The following GSE1 variants were observed in gnomAD, a reference collection of about 807,000 sequenced individuals.
GSE1 encodes Gse1 coiled-coil protein.
GSE1 carries 32 observed loss-of-function variants against 112.6 expected under a neutral mutation model. The observed-to-expected ratio is 0.28, with a 90% CI of 0.21 to 0.38. The LOEUF (loss-of-function observed/expected upper bound fraction) is 0.38, where lower values mean the gene tolerates loss of function less well. Ranked by LOEUF, GSE1 falls within the 10% of genes least tolerant of loss-of-function variation. The pLI, the probability that GSE1 is intolerant of heterozygous loss-of-function variation, is 1.00. For synonymous variants in GSE1, 1,115 were observed against 735.6 expected, an observed-to-expected ratio of 1.52 and a Z score of -8.35; for missense variants, 2,348 against 1,699.2, an observed-to-expected ratio of 1.38 and a Z score of -6.71.
intron 1 of GSE1, among the ~76,000 whole-genome samples, chr16:85,616,840 A>G (rs920099468): frequency 3.9e-5 from 6 of 152,116 alleles, no homozygotes; most frequent in African/African-American, 1.4e-4. Flanking sequence ...GCTGTCAATG[A>G]GAATTTATTG....
intron 1 of GSE1, among the ~76,000 whole-genome samples, chr16:85,560,689 C>T (rs2045477136): frequency 6.6e-6 from 1 of 152,102 alleles, no homozygotes. Flanking sequence ...CCTTCTCAAA[C>T]CTTCCTCTGT....
chr16:85,404,599 C>CT (rs1369443455), intron 2 of GSE1, among the ~76,000 whole-genome samples: 63 of 60,358 alleles, frequency 1.0e-3, no homozygotes, highest in East Asian at 4.3e-3. Flanking sequence ...TCAGGCCCCC[C>CT]GGATAATCCT....
intron 1 of GSE1, among the ~76,000 whole-genome samples, chr16:85,286,797 T>C (rs1249428429): frequency 1.3e-5 from 2 of 152,196 alleles, no homozygotes; most frequent in Non-Finnish European, 2.9e-5. Flanking sequence ...GACGAGTTCG[T>C]ATGATCAGCG....
chr16:85,417,005 C>A (rs2048718154), intron 2 of GSE1, among the ~76,000 whole-genome samples: 1 of 152,206 alleles, frequency 6.6e-6, no homozygotes, highest in African/African-American at 2.4e-5. Context: ...CAGGCACAAG[C>A]CACCATGCCC....
At chr16:85,356,712 G>A (rs1196244338) in intron 1 of GSE1, among the ~76,000 whole-genome samples, 1 of 152,134 alleles carries the variant, frequency 6.6e-6, no homozygotes, top group East Asian at 1.9e-4. Context: ...GGCTGGTCTG[G>A]AACTCTTAGG....
intron 1 of GSE1, among the ~76,000 whole-genome samples, chr16:85,247,858 C>G (rs1906029986): frequency 6.6e-6 from 1 of 152,236 alleles, no homozygotes; most frequent in Admixed American, 6.5e-5. Flanking sequence ...AACAGTGGCA[C>G]AGGCCCTGCA....
chr16:85,312,715 A>G (rs375427917), intron 1 of GSE1, among the ~76,000 whole-genome samples: 2 of 151,122 alleles, frequency 1.3e-5, no homozygotes, highest in African/African-American at 4.9e-5. Flanking sequence ...AGGAGGAGAA[A>G]GAGAAGGAGG....
chr16:85,263,222 T>A (rs1907896784), intron 1 of GSE1, among the ~76,000 whole-genome samples: 1 of 152,116 alleles, frequency 6.6e-6, no homozygotes. Context: ...ATCATGATGT[T>A]AGCATCATGC....
At chr16:85,333,564 T>G (rs1402332534) in intron 1 of GSE1, among the ~76,000 whole-genome samples, 1 of 152,244 alleles carries the variant, frequency 6.6e-6, no homozygotes, top group African/African-American at 2.4e-5. Flanking sequence ...AGAAGCTGGC[T>G]CCGCCTCTTT....
exon 1 of GSE1, chr16:85,170,143 G>A (rs2074335299): frequency 1.0e-6 from 1 of 985,128 alleles, no homozygotes; most frequent in African/African-American, 1.7e-5. Context: ...AGGGCCTCGC[G>A]GGGGGCGCGG....
chr16:85,498,333 A>C (rs1452783875), intron 2 of GSE1, among the ~76,000 whole-genome samples: 3 of 152,120 alleles, frequency 2.0e-5, no homozygotes, highest in Admixed American at 6.5e-5. Context: ...ACACACAGAC[A>C]CACACGGACA....
At chr16:85,617,592 A>ACC (rs1265736888) in intron 1 of GSE1, among the ~76,000 whole-genome samples, 3 of 80,054 alleles carry the variant, frequency 3.7e-5, no homozygotes, top group South Asian at 4.8e-4. Context: ...CCGTGTGTCA[A>ACC]CCCTCCCCCC....
rs982985073 is a variant in GSE1, at chr16:85,422,303, C to G, written c.2464+64660C>G. Among the ~76,000 whole-genome samples the G allele has an allele frequency of 3.8e-4, 58 of 152,216 alleles. 3 individuals are homozygous for G. Among genetic ancestry groups the G allele is most frequent in the Non-Finnish European group, 1.5e-5 (1 of 68,038 alleles). ...GCTAGGGGTGGCTGTCAGGATCCTC[C>G]CCGCACAGGCGAGGCTCCCGGCAAG... On this transcript the variant is annotated intron_variant, in intron 2 of 2. Transcript: ENST00000637419.
chr16:85,614,181 C>T (rs2048210595), intron 1 of GSE1, among the ~76,000 whole-genome samples: 1 of 151,828 alleles, frequency 6.6e-6, no homozygotes, highest in African/African-American at 2.4e-5. Context: ...CTTTTTCCCT[C>T]CCCGGCCCTT....
At chr16:85,173,678 CAT>C (rs1263564912) in intron 1 of GSE1, among the ~76,000 whole-genome samples, 3 of 152,320 alleles carry the variant, frequency 2.0e-5, no homozygotes, top group Admixed American at 2.0e-4. Context: ...TGTATTTTCT[CAT>C]GTGGATTTGC....
intron 1 of GSE1, among the ~76,000 whole-genome samples, chr16:85,310,753 G>A (rs1185742420): frequency 6.6e-6 from 1 of 151,956 alleles, no homozygotes; most frequent in Non-Finnish European, 1.5e-5. Context: ...GTCCACTTGA[G>A]GTGCTCGGAG....
At chr16:85,196,291 G>C (rs1418188671) in intron 1 of GSE1, among the ~76,000 whole-genome samples, 1 of 152,148 alleles carries the variant, frequency 6.6e-6, no homozygotes, top group African/African-American at 2.4e-5. Flanking sequence ...AGGGAGAGAA[G>C]GCCCCTCTGT....
chr16:85,387,697 G>C (rs2047718431), intron 2 of GSE1, among the ~76,000 whole-genome samples: 1 of 152,212 alleles, frequency 6.6e-6, no homozygotes, highest in African/African-American at 2.4e-5. Context: ...CCCTTGGTTA[G>C]AACATAAGCT....
At chr16:85,561,285 T>G (rs2151287793) in intron 1 of GSE1, among the ~76,000 whole-genome samples, 1 of 152,208 alleles carries the variant, frequency 6.6e-6, no homozygotes, top group South Asian at 2.1e-4. Flanking sequence ...ACAGAGAGAT[T>G]GAGGTCACAT....
Sources: allele counts gnomAD v4.1 joint callset (sites outside exome capture counted in the v4.1 genomes callset), GRCh38; gene constraint gnomAD v4.1.1; transcripts MANE v1.5; gene names NCBI Gene and HGNC (gene_info 2026-07-23, HGNC 2026-07-21).